Variants in TRIM13 observed in about 807,000 individuals in gnomAD.
The protein encoded by TRIM13 is E3 ubiquitin-protein ligase TRIM13.
Under a neutral mutation model 27.1 loss-of-function variants are expected in TRIM13, and 15 were observed. That is an observed-to-expected ratio of 0.55 (90% CI 0.37 to 0.85). The LOEUF (loss-of-function observed/expected upper bound fraction) is 0.85. TRIM13 is among the 40% of genes least tolerant of loss of function. The pLI, the probability that TRIM13 is intolerant of heterozygous loss-of-function variation, is 0.00. For missense variants in TRIM13, 402 were observed against 472.2 expected (o/e 0.85, Z 1.38); for synonymous variants, 193 against 171.5 (o/e 1.13, Z -0.98).
At chr13:50,001,553 T>C (rs1265629760) in intron 1 of TRIM13, among the ~76,000 whole-genome samples, 4 of 152,184 alleles carry the variant, frequency 2.6e-5, no homozygotes, top group Non-Finnish European at 5.9e-5. Context: ...TCTTGGAAAT[T>C]TTAACTACTG....
chr13:50,013,042 T>TCAGTTTTTTAC lies in TRIM13; in HGVS notation c.1103_1113dup (p.Trp372GlnfsTer8). 6 of 1,613,998 alleles carry TCAGTTTTTTAC rather than the reference T, an allele frequency of 3.7e-6. No individual in the cohort carries two copies. The highest frequency in any genetic ancestry group is 5.1e-6 in the Non-Finnish European group (6 of 1,179,972). ...TAAAACAGCCGATTTCATAGAACAATCAGTTTTTTACTGGGAACAGGTGAC... is the reference window on the plus strand; with the variant it reads ...TAAAACAGCCGATTTCATAGAACAATCAGTTTTTTACCAGTTTTTTACTGGGAACAGGTGAC... On this transcript the variant is annotated frameshift_variant, in exon 2 of 2. Coordinates refer to ENST00000378182, the MANE Select transcript of TRIM13 (RefSeq NM_213590.3). LOFTEE classifies it high-confidence loss of function.
At chr13:50,009,020 CAAAAAAAAA>C (rs35407149) in intron 1 of TRIM13, among the ~76,000 whole-genome samples, 6 of 68,064 alleles carry the variant, frequency 8.8e-5, no homozygotes, top group African/African-American at 2.1e-4. Context: ...AAAGCTGTCT[CAAAAAAAAA>C]AAAAAAAAAA....
intron 1 of TRIM13, among the ~76,000 whole-genome samples, chr13:50,010,063 TC>T (rs1417297680): frequency 3.5e-5 from 5 of 144,054 alleles, no homozygotes; most frequent in Non-Finnish European, 4.5e-5. Context: ...TTTTTTTTTT[TC>T]CTGAGGCAAG....
At chr13:50,005,192 C>CT (rs1425093894) in intron 1 of TRIM13, among the ~76,000 whole-genome samples, 2 of 152,016 alleles carry the variant, frequency 1.3e-5, no homozygotes, top group Non-Finnish European at 1.5e-5. Context: ...GTTAGCCATA[C>CT]TTTAAGATTT....
intron 1 of TRIM13, among the ~76,000 whole-genome samples, chr13:50,002,475 T>G (rs1874163414): frequency 6.6e-6 from 1 of 152,186 alleles, no homozygotes; most frequent in Non-Finnish European, 1.5e-5. Context: ...AAGTTTTACT[T>G]TCTAAACTCA....
At position 50,015,581 on chromosome 13, in the gene TRIM13, C is replaced by T. The variant is rs758273779; in HGVS notation, c.*2417C>T. 2.5e-5 allele frequency: 40 copies of T among 1,613,930 alleles called. No individual in the cohort carries two copies. Among genetic ancestry groups the T allele is most frequent in the Admixed American group, 2.0e-4 (12 of 60,000 alleles). ...TACGATAAAGCAGTTTCCTGCTTCT[C>T]GTTTGGCACGCATGTTAGATGGCAG... On this transcript the variant is annotated 3_prime_UTR_variant, in exon 2 of 2. Coordinates refer to ENST00000378182, the MANE Select transcript of TRIM13 (RefSeq NM_213590.3).
Position 49,998,602 on chromosome 13 carries a change from AATTACTT to A in TRIM13, c.-7+840_-7+846del, listed in dbSNP as rs529804416. Among the ~76,000 whole-genome samples the A allele has an allele frequency of 1.2e-4, 18 of 152,010 alleles. No homozygotes were observed. The East Asian group carries it at 2.7e-3, about 23-fold the overall frequency. On this transcript the variant is annotated intron_variant, in intron 1 of 1. Coordinates refer to ENST00000378182, the MANE Select transcript of TRIM13 (RefSeq NM_213590.3). ...CTCACACATCACACAGGAGTTGAGA[AATTACTT>A]TTAGGCAGCTAGAAAGGGTAAAAGA...
At chr13:50,010,803 A>G (rs992448992) in intron 1 of TRIM13, among the ~76,000 whole-genome samples, 2 of 152,140 alleles carry the variant, frequency 1.3e-5, no homozygotes, top group East Asian at 1.9e-4. Context: ...CTGAATAGCC[A>G]TAGTTTATCA....
chr13:50,000,103 GAC>G (rs1428737193), intron 1 of TRIM13, among the ~76,000 whole-genome samples: 3 of 152,258 alleles, frequency 2.0e-5, no homozygotes, highest in Middle Eastern at 3.4e-3. Flanking sequence ...ATATTGGTAA[GAC>G]ACAGATGCAG....
chr13:50,016,844 T>C lies in TRIM13; in HGVS notation c.*3680T>C, dbSNP rs1464724634. The C allele has an allele frequency of 6.1e-6, 1 of 163,210 alleles. No homozygotes were observed. Among genetic ancestry groups the C allele is most frequent in the Non-Finnish European group, 1.5e-5 (1 of 67,566 alleles). 10.1% of individuals were successfully genotyped at this position (163,210 alleles called of 1,614,324 possible). A position where few individuals can be genotyped will look rare whatever the true frequency, so the allele number is the denominator to read the frequency against. Reference sequence around the variant, plus strand: ...AGAAAAGCCTGCATGTGTTCTTTATTGGTATCATTTAAAATATACTTTTTT... The same window carrying C: ...AGAAAAGCCTGCATGTGTTCTTTATCGGTATCATTTAAAATATACTTTTTT... On this transcript the variant is annotated 3_prime_UTR_variant, in exon 2 of 2. Transcript: ENST00000378182.
chr13:49,999,622 C>T (rs934047466), intron 1 of TRIM13, among the ~76,000 whole-genome samples: 6 of 152,166 alleles, frequency 3.9e-5, no homozygotes, highest in African/African-American at 1.4e-4. Context: ...AAGTGATCCT[C>T]CTGCTTCAGC....
At chr13:50,011,790 T>C (rs1875681128) in intron 1 of TRIM13, 145 bp from the exon 2 acceptor site, 2 of 969,130 alleles carry the variant, frequency 2.1e-6, no homozygotes, top group South Asian at 1.8e-5. Context: ...TGGTGTGCAT[T>C]CCCTTACCAA....
At chr13:49,999,235 TG>T (rs755350346) in intron 1 of TRIM13, among the ~76,000 whole-genome samples, 8 of 151,788 alleles carry the variant, frequency 5.3e-5, no homozygotes, top group Non-Finnish European at 1.2e-4. Context: ...AAAATTAGGG[TG>T]GGAGGGCCAG....
At chr13:50,007,157 TG>T (rs1374132804) in intron 1 of TRIM13, among the ~76,000 whole-genome samples, 3 of 144,978 alleles carry the variant, frequency 2.1e-5, no homozygotes, top group Non-Finnish European at 4.5e-5. Flanking sequence ...CACTCCAGCC[TG>T]GGTGACGAAG....
At chr13:50,004,805 G>T (rs543909129) in intron 1 of TRIM13, among the ~76,000 whole-genome samples, 10 of 148,636 alleles carry the variant, frequency 6.7e-5, no homozygotes, top group Admixed American at 3.3e-4. Context: ...GCCAGGTGCG[G>T]TGGCTCACGC....
At chr13:50,005,992 G>C (rs1375867412) in intron 1 of TRIM13, among the ~76,000 whole-genome samples, 1 of 151,856 alleles carries the variant, frequency 6.6e-6, no homozygotes, top group Non-Finnish European at 1.5e-5. Flanking sequence ...TGGGATTACA[G>C]GCGTAAACCA....
chr13:50,000,539 G>A (rs1873898742), intron 1 of TRIM13, among the ~76,000 whole-genome samples: 3 of 152,150 alleles, frequency 2.0e-5, no homozygotes, highest in Non-Finnish European at 4.4e-5. Context: ...CCACAACATG[G>A]ACTGTCATGT....
intron 1 of TRIM13, among the ~76,000 whole-genome samples, chr13:50,000,761 T>C (rs1348200252): frequency 2.1e-5 from 3 of 145,460 alleles, no homozygotes; most frequent in Non-Finnish European, 1.5e-5. Context: ...TTTTCTATAA[T>C]AAAAACTAAT....
rs1008697720 is a variant in TRIM13 at position 50,013,880 on chromosome 13, T to A, written c.*716T>A. On this transcript the variant is annotated 3_prime_UTR_variant, in exon 2 of 2. Transcript: ENST00000378182. The stretch of plus-strand genomic sequence containing the variant: ...CACCTTTTTGACAGTGAACATGGTC[T>A]AAAAAAGGGAAGATATTGTAGAAGA... The A allele has an allele frequency of 1.2e-5, 2 of 166,662 alleles. No individual in the cohort carries two copies. Among genetic ancestry groups the A allele is most frequent in the African/African-American group, 4.8e-5 (2 of 41,290 alleles). The allele number at this position is 166,662 out of a possible 1,614,324, so 10.3% of individuals were successfully genotyped here.
Sources: allele counts gnomAD v4.1 joint callset (sites outside exome capture counted in the v4.1 genomes callset), GRCh38; gene constraint gnomAD v4.1.1; transcripts MANE v1.5; gene names NCBI Gene and HGNC (gene_info 2026-07-23, HGNC 2026-07-21).